STARD13: variants seen among roughly 807,000 people sequenced by gnomAD.
STARD13 encodes StAR related lipid transfer domain containing 13.
A neutral mutation model predicts 106.4 loss-of-function variants in STARD13; 62 were observed. The ratio of observed to expected loss-of-function variants is 0.58; its 90% CI spans 0.48 to 0.72. The LOEUF (loss-of-function observed/expected upper bound fraction) is 0.72. Among genes scored for constraint, STARD13 ranks in the 30% least tolerant of loss-of-function variants. STARD13 has a pLI of 0.00. For synonymous variants in STARD13, 565 were observed against 553.0 expected (o/e 1.02, Z -0.31); for missense variants, 1,387 against 1,424.0 (o/e 0.97, Z 0.42).
the STARD13 span, among the ~76,000 whole-genome samples, chr13:33,587,950 TCAA>T: frequency 6.6e-6 from 1 of 152,208 alleles, no homozygotes; most frequent in African/African-American, 2.4e-5. Context: ...ATAATTAAAA[TCAA>T]CGTCTCCTTT....
the STARD13 span, among the ~76,000 whole-genome samples, chr13:33,552,694 A>T: frequency 2.0e-5 from 3 of 152,204 alleles, no homozygotes; most frequent in Non-Finnish European, 2.9e-5. Context: ...AATATTTGTG[A>T]CCTATAGGAA....
intron 1 of STARD13, among the ~76,000 whole-genome samples, chr13:33,246,453 C>T (rs1203719328): frequency 6.6e-6 from 1 of 152,202 alleles, no homozygotes; most frequent in African/African-American, 2.4e-5. Flanking sequence ...CAAGCATCTT[C>T]TAAAACCAGC....
the STARD13 span, among the ~76,000 whole-genome samples, chr13:33,491,885 A>G: frequency 6.6e-6 from 1 of 152,170 alleles, no homozygotes; most frequent in Non-Finnish European, 1.5e-5. Flanking sequence ...ATGTGAAGAG[A>G]CCACCAAACA....
At chr13:33,601,767 TG>T in the STARD13 span, among the ~76,000 whole-genome samples, 23 of 152,254 alleles carry the variant, frequency 1.5e-4, no homozygotes, top group African/African-American at 5.3e-4. Flanking sequence ...CCTTTCACCA[TG>T]TTCCGGAGAT....
chr13:33,609,587 G>C, the STARD13 span, among the ~76,000 whole-genome samples: 1 of 144,790 alleles, frequency 6.9e-6, no homozygotes, highest in African/African-American at 2.6e-5. Context: ...TTTTTTTTGA[G>C]ATGGAGTCTC....
At chr13:33,485,305 T>G in the STARD13 span, among the ~76,000 whole-genome samples, 1 of 152,230 alleles carries the variant, frequency 6.6e-6, no homozygotes, top group Admixed American at 6.5e-5. Flanking sequence ...ACAAAAATCT[T>G]TGAAGTGAGA....
At chr13:33,499,583 TTC>T in the STARD13 span, among the ~76,000 whole-genome samples, 133 of 69,168 alleles carry the variant, frequency 1.9e-3, no homozygotes, top group Middle Eastern at 0.014. Flanking sequence ...CTTCTTCTTC[TTC>T]TTCTTCTTCT....
chr13:33,465,844 T>A, the STARD13 span, among the ~76,000 whole-genome samples: 14 of 152,200 alleles, frequency 9.2e-5, no homozygotes, highest in African/African-American at 3.1e-4. Context: ...ATACATGCAC[T>A]GGTATATTTC....
chr13:33,436,970 A>G, the STARD13 span, among the ~76,000 whole-genome samples: 1 of 152,176 alleles, frequency 6.6e-6, no homozygotes, highest in Non-Finnish European at 1.5e-5. Flanking sequence ...CCATCTTTGT[A>G]TATGGAGGGG....
chr13:33,251,049 C>A (rs181703507), intron 1 of STARD13, among the ~76,000 whole-genome samples: 7 of 152,216 alleles, frequency 4.6e-5, no homozygotes, highest in Admixed American at 3.9e-4. Flanking sequence ...GAAGAGAGAA[C>A]AAGATAAGAT....
At chr13:33,577,103 C>T in the STARD13 span, among the ~76,000 whole-genome samples, 2 of 152,128 alleles carry the variant, frequency 1.3e-5, no homozygotes, top group Non-Finnish European at 2.9e-5. Context: ...AATTAGTATG[C>T]CTAATTATGT....
the STARD13 span, among the ~76,000 whole-genome samples, chr13:33,589,692 A>G: frequency 6.6e-6 from 1 of 152,064 alleles, no homozygotes; most frequent in Admixed American, 6.5e-5. Flanking sequence ...GTTCTTTTAC[A>G]TTTGCTGAGG....
At chr13:33,433,863 G>T in the STARD13 span, among the ~76,000 whole-genome samples, 1 of 152,082 alleles carries the variant, frequency 6.6e-6, no homozygotes, top group African/African-American at 2.4e-5. Context: ...TTTGTGATGA[G>T]TTCCTTCAGG....
intron 1 of STARD13, among the ~76,000 whole-genome samples, chr13:33,214,786 G>T (rs1164932603): frequency 6.6e-6 from 1 of 151,756 alleles, no homozygotes; most frequent in Non-Finnish European, 1.5e-5. Flanking sequence ...GCTGTGCAGT[G>T]TATGAGTTTC....
chr13:33,251,320 AT>A (rs1364037290), intron 1 of STARD13, among the ~76,000 whole-genome samples: 2 of 152,278 alleles, frequency 1.3e-5, no homozygotes, highest in African/African-American at 4.8e-5. Context: ...GCTCTGAGCC[AT>A]TTTTGGGCTG....
intron 1 of STARD13, among the ~76,000 whole-genome samples, chr13:33,302,038 A>T (rs2138467816): frequency 6.6e-6 from 1 of 152,346 alleles, no homozygotes; most frequent in East Asian, 1.9e-4. Context: ...GACTGATACA[A>T]GCAATGAGGC....
the STARD13 span, among the ~76,000 whole-genome samples, chr13:33,520,831 T>C: frequency 2.8e-4 from 42 of 152,130 alleles, no homozygotes; most frequent in African/African-American, 1.0e-3. Flanking sequence ...GCTTCTCTTC[T>C]CCCATATTTC....
chr13:33,223,003 A>C (rs1242423002), intron 1 of STARD13, among the ~76,000 whole-genome samples: 10 of 152,232 alleles, frequency 6.6e-5, no homozygotes, highest in Non-Finnish European at 1.3e-4. Flanking sequence ...CTTTCAAAGG[A>C]AAAGAAGGGT....
Position 33,127,513 on chromosome 13 carries a change from GT to G in STARD13, c.1781del (p.His594ProfsTer20). ...RLRWNSFQLS[H>X]QPRPAPASPH... Reference sequence around the variant, plus strand: ...GCGATGCTGGGGCCGGCCGGGGCTGGTGCGACAGCTGGAAACTGTTCCATCG... The same window carrying G: ...GCGATGCTGGGGCCGGCCGGGGCTGGGCGACAGCTGGAAACTGTTCCATCG... On this transcript the variant is annotated frameshift_variant, in exon 6 of 14. Transcript: ENST00000336934. LOFTEE classifies it high-confidence loss of function. The G allele has an allele frequency of 6.4e-7, 1 of 1,569,384 alleles. No homozygotes were observed. Among genetic ancestry groups the G allele is most frequent in the Non-Finnish European group, 8.6e-7 (1 of 1,164,652 alleles).
Sources: allele counts gnomAD v4.1 joint callset (sites outside exome capture counted in the v4.1 genomes callset), GRCh38; gene constraint gnomAD v4.1.1; transcripts MANE v1.5; gene names NCBI Gene and HGNC (gene_info 2026-07-23, HGNC 2026-07-21).